The following EBF1 variants were observed in gnomAD, a reference collection of about 807,000 sequenced individuals.
EBF1 encodes transcription factor COE1.
EBF1 carries 10 observed loss-of-function variants against 68.4 expected under a neutral mutation model. The observed-to-expected ratio is 0.15, with a 90% CI of 0.09 to 0.25. EBF1 has a LOEUF of 0.25. Ranked by LOEUF, EBF1 falls within the 10% of genes least tolerant of loss-of-function variation. The probability of loss-of-function intolerance (pLI) is 1.00; values close to 1 mark genes in which losing one functional copy is unlikely to be tolerated. For missense variants in EBF1, 509 were observed against 794.4 expected, an observed-to-expected ratio of 0.64 and a Z score of 4.32; for synonymous variants, 298 against 299.8, an observed-to-expected ratio of 0.99 and a Z score of 0.06.
chr5:158,707,733 C>A (rs1758180592), intron 15 of EBF1: 3 of 489,162 alleles, frequency 6.1e-6, no homozygotes, highest in Non-Finnish European at 1.1e-5. Context: ...CGGGCCTGAG[C>A]AGAATTGCTG....
intron 6 of EBF1, among the ~76,000 whole-genome samples, chr5:158,956,028 ATG>A (rs56311243): frequency 0.088 from 12,420 of 140,908 alleles, 606 homozygotes; most frequent in African/African-American, 0.15. Context: ...ATAAATATAA[ATG>A]TGTGTGTGTG....
chr5:158,756,371 G>C (rs536884963), intron 10 of EBF1, among the ~76,000 whole-genome samples: 3 of 152,098 alleles, frequency 2.0e-5, no homozygotes, highest in South Asian at 2.1e-4. Flanking sequence ...GGAGAGTCTA[G>C]ATCAATGGAT....
At chr5:158,709,664 G>C (rs1758724775) in intron 14 of EBF1, among the ~76,000 whole-genome samples, 1 of 152,194 alleles carries the variant, frequency 6.6e-6, no homozygotes, top group Non-Finnish European at 1.5e-5. Context: ...AGTGCTTTAT[G>C]GGGCAGAATG....
chr5:159,031,105 C>T (rs899750864), intron 6 of EBF1, among the ~76,000 whole-genome samples: 4 of 152,176 alleles, frequency 2.6e-5, no homozygotes, highest in African/African-American at 9.6e-5. Context: ...ACCCGCGAGG[C>T]GGAGGTTGTG....
chr5:158,709,271 C>T (rs758601523), intron 14 of EBF1, among the ~76,000 whole-genome samples: 18 of 152,004 alleles, frequency 1.2e-4, no homozygotes, highest in Non-Finnish European at 1.9e-4. Flanking sequence ...AGAATCTTCA[C>T]GTCTTTTTCA....
chr5:158,699,736 A>G (rs1045666893), intron 15 of EBF1, among the ~76,000 whole-genome samples: 7 of 152,172 alleles, frequency 4.6e-5, no homozygotes, highest in Non-Finnish European at 7.3e-5. Context: ...AGCTGGGAGG[A>G]GAAGACAGGT....
chr5:158,913,278 A>T (rs1299874686), intron 6 of EBF1, among the ~76,000 whole-genome samples: 1 of 152,216 alleles, frequency 6.6e-6, no homozygotes, highest in Non-Finnish European at 1.5e-5. Flanking sequence ...GTGAAATTAA[A>T]TTTTTTAAAA....
chr5:159,095,952 G>T (rs1365830956), intron 3 of EBF1, among the ~76,000 whole-genome samples: 1 of 152,216 alleles, frequency 6.6e-6, no homozygotes, highest in African/African-American at 2.4e-5. Flanking sequence ...ACCCCGACTT[G>T]TCTGTTCTCA....
intron 6 of EBF1, among the ~76,000 whole-genome samples, chr5:158,973,863 A>T (rs1756165418): frequency 2.0e-5 from 3 of 152,194 alleles, no homozygotes; most frequent in Non-Finnish European, 2.9e-5. Flanking sequence ...TATCACCTGC[A>T]TGCCATCTTC....
intron 11 of EBF1, among the ~76,000 whole-genome samples, chr5:158,730,744 G>T (rs1185009139): frequency 1.3e-5 from 2 of 152,146 alleles, no homozygotes; most frequent in Non-Finnish European, 2.9e-5. Flanking sequence ...TCTTGGTTTA[G>T]CGATTTACAT....
intron 6 of EBF1, among the ~76,000 whole-genome samples, chr5:158,861,259 C>A (rs966718412): frequency 2.2e-5 from 3 of 139,208 alleles, no homozygotes; most frequent in Non-Finnish European, 1.5e-5. Context: ...CTATCAAATG[C>A]GGATTTGTGA....
intron 6 of EBF1, among the ~76,000 whole-genome samples, chr5:158,863,254 C>T (rs1795276459): frequency 6.6e-6 from 1 of 152,128 alleles, no homozygotes; most frequent in Admixed American, 6.6e-5. Context: ...TCCTATATTT[C>T]AAGAATGATC....
intron 6 of EBF1, among the ~76,000 whole-genome samples, chr5:159,072,156 T>C (rs142406087): frequency 6.6e-6 from 1 of 152,276 alleles, no homozygotes; most frequent in African/African-American, 2.4e-5. Flanking sequence ...ACTAATACTC[T>C]TATATGGAGC....
At chr5:158,882,288 T>C (rs1349325175) in intron 6 of EBF1, among the ~76,000 whole-genome samples, 1 of 152,214 alleles carries the variant, frequency 6.6e-6, no homozygotes. Flanking sequence ...AATGTTCATT[T>C]AGTAACGTCT....
intron 6 of EBF1, among the ~76,000 whole-genome samples, chr5:158,969,897 AAAGAAAGAAAGAAAGAAAG>A (rs1583556631): frequency 1.9e-5 from 2 of 106,544 alleles, no homozygotes; most frequent in African/African-American, 6.4e-5. Flanking sequence ...AGAAAGAAAG[AAAGAAAGAAAGAAAGAAAG>A]AAAAAAAAAA....
chr5:158,959,904 G>A (rs897039677), intron 6 of EBF1, among the ~76,000 whole-genome samples: 7 of 152,084 alleles, frequency 4.6e-5, no homozygotes, highest in Non-Finnish European at 8.8e-5. Flanking sequence ...AATCAAACTA[G>A]ATCGACCAAT....
At chr5:158,889,772 C>G (rs1351033398) in intron 6 of EBF1, among the ~76,000 whole-genome samples, 2 of 152,188 alleles carry the variant, frequency 1.3e-5, no homozygotes, top group African/African-American at 4.8e-5. Context: ...CTTCTCTACT[C>G]CTCTTCTGCA....
chr5:159,038,448 C>T (rs779871181), intron 6 of EBF1, among the ~76,000 whole-genome samples: 1 of 152,164 alleles, frequency 6.6e-6, no homozygotes. Flanking sequence ...CATTAAGACT[C>T]ACGGTCAAAA....
At chr5:159,012,154 G>T (rs559879313) in intron 6 of EBF1, among the ~76,000 whole-genome samples, 3 of 152,202 alleles carry the variant, frequency 2.0e-5, no homozygotes, top group African/African-American at 7.2e-5. Context: ...GGGTGTGGTG[G>T]CACGCGCCTG....
Sources: allele counts gnomAD v4.1 joint callset (sites outside exome capture counted in the v4.1 genomes callset), GRCh38; gene constraint gnomAD v4.1.1; transcripts MANE v1.5; gene names NCBI Gene and HGNC (gene_info 2026-07-23, HGNC 2026-07-21).